The following DNAH6 variants were observed in gnomAD, a reference collection of about 807,000 sequenced individuals.
DNAH6 encodes the protein axonemal beta dynein heavy chain 6.
DNAH6 carries 340 observed loss-of-function variants against 491.4 expected under a neutral mutation model. That is an observed-to-expected ratio of 0.69 (90% confidence interval 0.63 to 0.76). The LOEUF is 0.76. DNAH6 is among the 30% of genes least tolerant of loss of function. DNAH6 has a pLI of 0.00. For synonymous variants in DNAH6, 1,603 were observed against 1,686.1 expected (o/e 0.95, Z 1.21); for missense variants, 4,443 against 4,972.2 (o/e 0.89, Z 3.20).
intron 1 of DNAH6, among the ~76,000 whole-genome samples, chr2:84,517,039 A>G (rs912288484): frequency 6.6e-6 from 1 of 152,204 alleles, no homozygotes; most frequent in Non-Finnish European, 1.5e-5. Context: ...CTATTGCTTG[A>G]AAATTAAAAT....
chr2:84,790,634 A>G (rs1236261186), intron 68 of DNAH6, among the ~76,000 whole-genome samples: 1 of 152,244 alleles, frequency 6.6e-6, no homozygotes, highest in Admixed American at 6.5e-5. Context: ...ACACATGTCA[A>G]GATGCTCAAT....
intron 71 of DNAH6, among the ~76,000 whole-genome samples, chr2:84,807,049 T>A (rs1271270148): frequency 6.6e-6 from 1 of 152,246 alleles, no homozygotes; most frequent in African/African-American, 2.4e-5. Context: ...GGGTTTTCTC[T>A]CCAGGCTTCA....
At chr2:84,534,597 G>T (rs1255071843) in intron 4 of DNAH6, among the ~76,000 whole-genome samples, 1 of 151,598 alleles carries the variant, frequency 6.6e-6, no homozygotes, top group Non-Finnish European at 1.5e-5. Context: ...AATTTCATTT[G>T]CTCTTTTTTT....
intron 12 of DNAH6, 54 bp from the exon 13 acceptor site, chr2:84,577,203 C>T: frequency 2.7e-6 from 3 of 1,103,452 alleles, no homozygotes; most frequent in Non-Finnish European, 3.8e-6. Context: ...TTGTAATGAT[C>T]TTTTAAAATC....
the DNAH6 span, among the ~76,000 whole-genome samples, chr2:84,496,993 C>T: frequency 8.2e-5 from 10 of 122,026 alleles, no homozygotes; most frequent in South Asian, 2.6e-4. Flanking sequence ...TTTTTTTTGA[C>T]GGAATCTCGC....
At chr2:84,498,926 G>A in the DNAH6 span, among the ~76,000 whole-genome samples, 1 of 151,978 alleles carries the variant, frequency 6.6e-6, no homozygotes, top group South Asian at 2.1e-4. Flanking sequence ...TAATGTTGTG[G>A]GTGCATTGTA....
At chr2:84,474,019 A>G in the DNAH6 span, among the ~76,000 whole-genome samples, 1 of 152,146 alleles carries the variant, frequency 6.6e-6, no homozygotes, top group East Asian at 1.9e-4. Context: ...AATGGTATCT[A>G]TTTGCTGGTT....
At chr2:84,537,715 T>G (rs1383322495) in intron 4 of DNAH6, among the ~76,000 whole-genome samples, 1 of 152,104 alleles carries the variant, frequency 6.6e-6, no homozygotes, top group Non-Finnish European at 1.5e-5. Context: ...CCACTGTTGA[T>G]ATTAAAAAGT....
At chr2:84,543,943 A>G (rs575131268) in intron 4 of DNAH6, among the ~76,000 whole-genome samples, 1 of 152,276 alleles carries the variant, frequency 6.6e-6, no homozygotes, top group Non-Finnish European at 1.5e-5. Flanking sequence ...ATGTAGAACT[A>G]TTAAATTTTA....
intron 46 of DNAH6, among the ~76,000 whole-genome samples, chr2:84,694,955 A>G (rs1695231919): frequency 6.6e-6 from 1 of 152,198 alleles, no homozygotes; most frequent in Non-Finnish European, 1.5e-5. Flanking sequence ...GACTTTCTAC[A>G]TTGATTATTC....
Position 84,808,523 on chromosome 2 carries a change from A to G in DNAH6, c.11720A>G (p.Asn3907Ser). ...VLGQEVDRFN[N>S]LLKLIHTSLE... is the part of the protein sequence containing the mutation. ...GGACAGGAAGTGGACCGGTTTAACA[A>G]CCTGCTGAAGTTAATTCATGTATGA... The change falls in exon 72 of 77, where the codon AAC (asparagine) becomes AGC (serine). Residue 3907 changes from asparagine (N) to serine (S), a missense_variant. By Grantham distance (46) the Asn-to-Ser change is conservative. Coordinates refer to ENST00000389394, the MANE Select transcript of DNAH6 (RefSeq NM_001370.2). 6.4e-7 allele frequency: 1 copy of G among 1,551,768 alleles called. No homozygotes were observed. Among genetic ancestry groups the G allele is most frequent in the Non-Finnish European group, 8.7e-7 (1 of 1,146,972 alleles).
At chr2:84,813,844 G>A in intron 74 of DNAH6, 127 bp from the exon 75 acceptor site, 1 of 901,206 alleles carries the variant, frequency 1.1e-6, no homozygotes. Flanking sequence ...AAGGTATTAA[G>A]AGTTGGGTCT....
At chr2:84,476,059 G>A in the DNAH6 span, among the ~76,000 whole-genome samples, 1 of 152,178 alleles carries the variant, frequency 6.6e-6, no homozygotes, top group Non-Finnish European at 1.5e-5. Context: ...AGCCCACCAG[G>A]TTTTAAACTG....
intron 48 of DNAH6, 60 bp downstream of exon 48, chr2:84,699,794 A>G: frequency 6.6e-7 from 1 of 1,514,030 alleles, no homozygotes; most frequent in Non-Finnish European, 8.9e-7. Context: ...TTAAAGGGGT[A>G]ACACATTGTC....
At chr2:84,758,379 G>A (rs567240150) in intron 63 of DNAH6, among the ~76,000 whole-genome samples, 2 of 152,196 alleles carry the variant, frequency 1.3e-5, no homozygotes, top group African/African-American at 4.8e-5. Flanking sequence ...AAAAGAAGTT[G>A]TTCCAAAAAT....
chr2:84,777,790 GA>G, intron 64 of DNAH6: 1 of 1,037,572 alleles, frequency 9.6e-7, no homozygotes, highest in Non-Finnish European at 1.5e-6. Context: ...AGTTTTTGGG[GA>G]AGCCACTTAT....
intron 4 of DNAH6, among the ~76,000 whole-genome samples, chr2:84,538,964 A>G (rs1372950696): frequency 6.6e-6 from 1 of 152,142 alleles, no homozygotes; most frequent in Non-Finnish European, 1.5e-5. Context: ...GTGTGAAGTT[A>G]TAATTATTTT....
At chr2:84,502,245 T>G in the DNAH6 span, among the ~76,000 whole-genome samples, 1 of 152,302 alleles carries the variant, frequency 6.6e-6, no homozygotes, top group East Asian at 1.9e-4. Flanking sequence ...GCTCAAGAAA[T>G]TTTTCAATCT....
intron 10 of DNAH6, among the ~76,000 whole-genome samples, chr2:84,556,217 G>T (rs1680005901): frequency 6.6e-6 from 1 of 152,196 alleles, no homozygotes; most frequent in East Asian, 1.9e-4. Flanking sequence ...TGTAACTCAA[G>T]ATTTCTTCTC....
Sources: allele counts gnomAD v4.1 joint callset (sites outside exome capture counted in the v4.1 genomes callset), GRCh38; gene constraint gnomAD v4.1.1; transcripts MANE v1.5; gene names NCBI Gene and HGNC (gene_info 2026-07-23, HGNC 2026-07-21).